Variants in MIPOL1 observed in about 807,000 individuals in gnomAD.
MIPOL1 encodes the protein mirror-image polydactyly gene 1 protein.
A neutral mutation model predicts 60.9 loss-of-function variants in MIPOL1; 57 were observed. The observed-to-expected ratio is 0.94, with a 90% CI of 0.76 to 1.17. The LOEUF is 1.17. Among genes scored for constraint, MIPOL1 ranks in the 50% most tolerant of loss-of-function variants. MIPOL1 has a pLI of 0.00. For missense variants in MIPOL1, 551 were observed against 511.6 expected, an observed-to-expected ratio of 1.08 and a Z score of -0.74; for synonymous variants, 179 against 168.8, an observed-to-expected ratio of 1.06 and a Z score of -0.47.
chr14:37,523,594 C>T, intron 12 of MIPOL1: 1 of 397,318 alleles, frequency 2.5e-6, no homozygotes, highest in Non-Finnish European at 4.5e-6. Context: ...ATTTTTCTGT[C>T]ATAATTATAA....
At chr14:37,238,765 C>T (rs1182299419) in intron 1 of MIPOL1, among the ~76,000 whole-genome samples, 1 of 145,172 alleles carries the variant, frequency 6.9e-6, no homozygotes, top group Non-Finnish European at 1.5e-5. Context: ...GTCTGGGCAA[C>T]ACGGTGAAAC....
At chr14:37,282,133 G>A (rs1267781073) in intron 6 of MIPOL1, among the ~76,000 whole-genome samples, 2 of 151,720 alleles carry the variant, frequency 1.3e-5, no homozygotes, top group Non-Finnish European at 2.9e-5. Flanking sequence ...AACTAAAAGA[G>A]CATTTCAAAA....
intron 3 of MIPOL1, among the ~76,000 whole-genome samples, chr14:37,266,134 C>T (rs1306087078): frequency 2.6e-5 from 4 of 152,140 alleles, no homozygotes; most frequent in African/African-American, 9.7e-5. Flanking sequence ...TGGGAAGCTT[C>T]TGCATCTCCT....
At chr14:37,439,932 C>T (rs1388987489) in intron 11 of MIPOL1, among the ~76,000 whole-genome samples, 2 of 152,148 alleles carry the variant, frequency 1.3e-5, no homozygotes, top group Non-Finnish European at 2.9e-5. Flanking sequence ...AGTCACAGCT[C>T]ACTGCAGCCT....
At chr14:37,224,239 C>T (rs150046690) in intron 1 of MIPOL1, among the ~76,000 whole-genome samples, 147 of 152,154 alleles carry the variant, frequency 9.7e-4, no homozygotes, top group East Asian at 3.5e-3. Context: ...CGGCACTTTG[C>T]GAGGCTGAGG....
At chr14:37,409,321 TTAAA>T (rs1225145647) in intron 10 of MIPOL1, among the ~76,000 whole-genome samples, 1 of 152,140 alleles carries the variant, frequency 6.6e-6, no homozygotes, top group Non-Finnish European at 1.5e-5. Context: ...TAAATGATAT[TTAAA>T]TAAATAGAGT....
intron 10 of MIPOL1, among the ~76,000 whole-genome samples, chr14:37,373,398 C>CT (rs112401995): frequency 4.5e-4 from 66 of 146,408 alleles, no homozygotes; most frequent in East Asian, 8.0e-4. Context: ...CCTTTCTATC[C>CT]TTTTTTTTTT....
intron 3 of MIPOL1, among the ~76,000 whole-genome samples, chr14:37,253,524 C>T (rs1974436417): frequency 6.6e-6 from 1 of 151,542 alleles, no homozygotes; most frequent in Non-Finnish European, 1.5e-5. Flanking sequence ...TAAATAAATA[C>T]ATAAAATAAA....
chr14:37,454,797 G>A (rs771247094), intron 11 of MIPOL1, among the ~76,000 whole-genome samples: 11 of 152,178 alleles, frequency 7.2e-5, no homozygotes, highest in African/African-American at 1.2e-4. Flanking sequence ...TACTTCTCTC[G>A]TTTTTCTCTC....
At chr14:37,288,172 G>A (rs2153413577) in intron 7 of MIPOL1, among the ~76,000 whole-genome samples, 1 of 150,332 alleles carries the variant, frequency 6.7e-6, no homozygotes, top group African/African-American at 2.4e-5. Flanking sequence ...TTTTTTGGTT[G>A]TTGTTTTGTT....
At chr14:37,323,642 A>G (rs141837589) in intron 9 of MIPOL1, among the ~76,000 whole-genome samples, 3 of 152,210 alleles carry the variant, frequency 2.0e-5, no homozygotes, top group South Asian at 4.1e-4. Flanking sequence ...AATGAAATAC[A>G]TAAATATTAA....
chr14:37,364,355 C>G (rs549422637), intron 9 of MIPOL1, among the ~76,000 whole-genome samples: 8 of 152,274 alleles, frequency 5.3e-5, no homozygotes, highest in South Asian at 4.1e-4. Flanking sequence ...GTTTCATAAT[C>G]TGGAGTCTTA....
intron 7 of MIPOL1, among the ~76,000 whole-genome samples, chr14:37,294,932 C>G (rs996864319): frequency 6.6e-6 from 1 of 152,162 alleles, no homozygotes; most frequent in Non-Finnish European, 1.5e-5. Flanking sequence ...GGTCACTATT[C>G]AAATTCAGGA....
intron 9 of MIPOL1, among the ~76,000 whole-genome samples, chr14:37,328,109 T>G (rs986990519): frequency 6.6e-6 from 1 of 151,994 alleles, no homozygotes; most frequent in African/African-American, 2.4e-5. Flanking sequence ...ACCCCCCAAG[T>G]TCAATCAATT....
chr14:37,266,707 C>T (rs1211724934), intron 3 of MIPOL1, among the ~76,000 whole-genome samples: 1 of 152,154 alleles, frequency 6.6e-6, no homozygotes, highest in Non-Finnish European at 1.5e-5. Context: ...CCCATGACAG[C>T]CCCACAACTG....
chr14:37,331,132 A>G (rs1955935), intron 9 of MIPOL1, among the ~76,000 whole-genome samples: 146,210 of 152,110 alleles, frequency 0.96, 70,397 homozygotes, highest in East Asian at 1. Flanking sequence ...TTTGATTGCC[A>G]TAGCTTTGTA....
chr14:37,522,891 T>TA (rs1271936350), intron 12 of MIPOL1, among the ~76,000 whole-genome samples: 2 of 152,120 alleles, frequency 1.3e-5, no homozygotes, highest in Non-Finnish European at 2.9e-5. Context: ...AATTAATAGA[T>TA]ATGAATCCTA....
intron 1 of MIPOL1, among the ~76,000 whole-genome samples, chr14:37,203,681 A>G (rs1484767720): frequency 6.6e-6 from 1 of 152,162 alleles, no homozygotes; most frequent in African/African-American, 2.4e-5. Flanking sequence ...GTCAGCTGTC[A>G]TGTTGTGAAC....
intron 10 of MIPOL1, among the ~76,000 whole-genome samples, chr14:37,393,352 A>T (rs1420838874): frequency 7.1e-6 from 1 of 140,040 alleles, no homozygotes; most frequent in African/African-American, 2.7e-5. Context: ...TTGAGTTCTA[A>T]AACATTCTTA....
Sources: gnomAD v4.1 joint callset for allele counts (sites outside exome capture counted in the v4.1 genomes callset) on GRCh38, gnomAD v4.1.1 for gene constraint, MANE v1.5 for transcripts, NCBI Gene and HGNC (gene_info 2026-07-23, HGNC 2026-07-21) for gene names.